CCNY: variants seen among roughly 807,000 people sequenced by gnomAD.
CCNY encodes the protein cyclin-Y.
Under a neutral mutation model 42.8 loss-of-function variants are expected in CCNY, and 19 were observed. That is an observed-to-expected ratio of 0.44 (90% CI 0.31 to 0.65). The LOEUF (loss-of-function observed/expected upper bound fraction) is 0.65, where lower values mean the gene tolerates loss of function less well. CCNY is among the 30% of genes least tolerant of loss of function. The pLI, the probability that CCNY is intolerant of heterozygous loss-of-function variation, is 0.07. For missense variants in CCNY, 370 were observed against 437.3 expected, an observed-to-expected ratio of 0.85 and a Z score of 1.37; for synonymous variants, 165 against 162.7, an observed-to-expected ratio of 1.01 and a Z score of -0.11.
At chr10:35,489,323 C>T (rs901064354) in intron 2 of CCNY, among the ~76,000 whole-genome samples, 25 of 151,262 alleles carry the variant, frequency 1.7e-4, no homozygotes, top group Non-Finnish European at 2.9e-4. Context: ...GTTTTTGAGA[C>T]GGAGTCTCGC....
chr10:35,317,415 G>A (rs967233844), intron 3 of CCNY, among the ~76,000 whole-genome samples: 3 of 152,158 alleles, frequency 2.0e-5, no homozygotes, highest in Non-Finnish European at 2.9e-5. Context: ...TGACCAAGAC[G>A]GCAATACCTA....
At chr10:35,504,034 C>T (rs992704664) in intron 3 of CCNY, among the ~76,000 whole-genome samples, 2 of 151,984 alleles carry the variant, frequency 1.3e-5, no homozygotes, top group African/African-American at 2.4e-5. Flanking sequence ...TATTTTTCGC[C>T]CTTATTATAC....
In CCNY at chr10:35,566,376, G is replaced by A. The variant is rs192539885; in HGVS notation, c.909+191G>A. On this transcript the variant is annotated intron_variant, in intron 9 of 9. Transcript: ENST00000374704. ...TCTTTTTTCTTTGAGACGGAGTCTC[G>A]CTCTGTCACCCAGCCTGGAGTACAG... 120 of 627,228 alleles carry A rather than the reference G, an allele frequency of 1.9e-4. 1 individual carries two copies. In the Admixed American group the frequency reaches 3.9e-3, roughly 21 times the overall value. 38.9% of individuals were successfully genotyped at this position (627,228 alleles called of 1,614,324 possible). A position where few individuals can be genotyped will look rare whatever the true frequency, so the allele number is the denominator to read the frequency against.
At chr10:35,347,705 A>G (rs886857691) in intron 1 of CCNY, among the ~76,000 whole-genome samples, 2 of 152,146 alleles carry the variant, frequency 1.3e-5, no homozygotes, top group Non-Finnish European at 2.9e-5. Flanking sequence ...CTTCTCAAGA[A>G]AAGATTTCAC....
At position 35,530,810 on chromosome 10, in the gene CCNY, G is replaced by A. The variant is rs556586056; in HGVS notation, c.579+567G>A. ...TTTACAGCTGGGCTCCATGGCTCAC[G>A]TCAGTAATTTCAGCACTTTGGGAGG... On this transcript the variant is annotated intron_variant, in intron 7 of 9. Transcript: ENST00000374704. This position sits in a 1 kb window ranked among gnomAD's most constrained non-coding sequence, Gnocchi z 4.3. Among the ~76,000 whole-genome samples the A allele has an allele frequency of 2.0e-5, 3 of 152,258 alleles. No homozygotes were observed. The highest frequency in any genetic ancestry group is 4.8e-5 in the African/African-American group (2 of 41,554).
chr10:35,443,631 A>G (rs1196122980), intron 1 of CCNY, among the ~76,000 whole-genome samples: 1 of 152,222 alleles, frequency 6.6e-6, no homozygotes, highest in Non-Finnish European at 1.5e-5. Flanking sequence ...TCTTAGAAGC[A>G]AAATTTACTC....
At chr10:35,393,684 A>G (rs1311278994) in intron 1 of CCNY, among the ~76,000 whole-genome samples, 1 of 152,140 alleles carries the variant, frequency 6.6e-6, no homozygotes, top group African/African-American at 2.4e-5. Flanking sequence ...GCTTCTTTGC[A>G]TTCAGTAGAT....
At chr10:35,502,957 A>G (rs1427849837) in intron 3 of CCNY, among the ~76,000 whole-genome samples, 1 of 152,188 alleles carries the variant, frequency 6.6e-6, no homozygotes, top group African/African-American at 2.4e-5. Flanking sequence ...TGTTCACTGC[A>G]GCTCCATGGA....
intron 1 of CCNY, among the ~76,000 whole-genome samples, chr10:35,476,983 C>A (rs1006700039): frequency 6.6e-6 from 1 of 152,102 alleles, no homozygotes; most frequent in East Asian, 1.9e-4. Context: ...GAAATACAAA[C>A]TACCATCAGA....
intron 5 of CCNY, among the ~76,000 whole-genome samples, chr10:35,528,558 T>G (rs1564447013): frequency 6.6e-6 from 1 of 152,052 alleles, no homozygotes; most frequent in Non-Finnish European, 1.5e-5. Context: ...AAAAATCAGC[T>G]GGGCCTGGTG....
chr10:35,266,271 T>TG (rs1174587990), intron 3 of CCNY, among the ~76,000 whole-genome samples: 3 of 146,258 alleles, frequency 2.1e-5, no homozygotes, highest in East Asian at 4.0e-4. Flanking sequence ...TTTTTTTTTT[T>TG]GTATTTTTAG....
At chr10:35,519,426 G>T (rs1045376869) in intron 4 of CCNY, among the ~76,000 whole-genome samples, 2 of 139,388 alleles carry the variant, frequency 1.4e-5, no homozygotes, top group Non-Finnish European at 3.2e-5. Context: ...TTCTCTGGGT[G>T]TCTGGATTTT....
At chr10:35,493,695 G>T (rs1047955425) in intron 2 of CCNY, among the ~76,000 whole-genome samples, 4 of 152,182 alleles carry the variant, frequency 2.6e-5, no homozygotes, top group African/African-American at 9.7e-5. Context: ...TGGTGCATAT[G>T]ATCCATTTCC....
intron 1 of CCNY, among the ~76,000 whole-genome samples, chr10:35,415,837 T>A (rs939092094): frequency 6.6e-6 from 1 of 152,196 alleles, no homozygotes; most frequent in Non-Finnish European, 1.5e-5. Context: ...CTTTCACACA[T>A]GGGCTCAGCC....
intron 3 of CCNY, among the ~76,000 whole-genome samples, chr10:35,274,066 C>T (rs572434444): frequency 3.9e-5 from 6 of 152,158 alleles, no homozygotes; most frequent in Non-Finnish European, 8.8e-5. Context: ...TAAAGACATA[C>T]CTGAGACTGG....
chr10:35,564,369 A>G (rs978498202), intron 8 of CCNY, among the ~76,000 whole-genome samples: 1 of 151,586 alleles, frequency 6.6e-6, no homozygotes, highest in Non-Finnish European at 1.5e-5. Flanking sequence ...CAGCAGCTTC[A>G]TGTCTCCCCA....
At chr10:35,526,812 C>T (rs538520460) in intron 5 of CCNY, among the ~76,000 whole-genome samples, 1 of 152,164 alleles carries the variant, frequency 6.6e-6, no homozygotes, top group Non-Finnish European at 1.5e-5. Context: ...CTTTCCAAAG[C>T]GTCCTCCTTC....
chr10:35,372,979 T>A (rs1836971610), intron 1 of CCNY, among the ~76,000 whole-genome samples: 1 of 152,242 alleles, frequency 6.6e-6, no homozygotes, highest in South Asian at 2.1e-4. Flanking sequence ...ATTATAGGCA[T>A]GAGGCACCAT....
At position 35,409,781 on chromosome 10, in the gene CCNY, G is replaced by T. The variant is rs1837863862; in HGVS notation, c.154+72574G>T. Among the ~76,000 whole-genome samples, 4 of 152,142 alleles carry T rather than the reference G, an allele frequency of 2.6e-5. No individual in the cohort carries two copies. In the South Asian group the frequency reaches 8.3e-4, roughly 32 times the overall value. Reference sequence around the variant, plus strand: ...TTTTGTTTTATTTTGTTGAGACAGGGTCTTGCTTTGTTGCCCAGGCTGGAG... The same window carrying T: ...TTTTGTTTTATTTTGTTGAGACAGGTTCTTGCTTTGTTGCCCAGGCTGGAG... On this transcript the variant is annotated intron_variant, in intron 1 of 9. Transcript: ENST00000374704.
Sources: gnomAD v4.1 joint callset for allele counts (sites outside exome capture counted in the v4.1 genomes callset) on GRCh38, gnomAD v4.1.1 for gene constraint, Gnocchi (gnomAD v3.1) non-coding constraint, MANE v1.5 for transcripts, NCBI Gene and HGNC (gene_info 2026-07-23, HGNC 2026-07-21) for gene names.